The following ULK4 variants were observed in gnomAD, a reference collection of about 807,000 sequenced individuals.
ULK4 encodes unc-51 like kinase 4.
Under a neutral mutation model 160.6 loss-of-function variants are expected in ULK4, and 133 were observed. That is an observed-to-expected ratio of 0.83 (90% CI 0.72 to 0.96). The LOEUF is 0.96. ULK4 is among the 40% of genes least tolerant of loss of function. The pLI is 0.00. For synonymous variants in ULK4, 534 were observed against 539.8 expected, an observed-to-expected ratio of 0.99 and a Z score of 0.15; for missense variants, 1,580 against 1,499.5, an observed-to-expected ratio of 1.05 and a Z score of -0.89.
chr3:41,927,704 A>G (rs867274163), intron 5 of ULK4, among the ~76,000 whole-genome samples: 4 of 151,878 alleles, frequency 2.6e-5, no homozygotes, highest in Admixed American at 2.0e-4. Context: ...AGGGGTTGCA[A>G]TCCTGATCTC....
At chr3:41,665,099 TA>T (rs1394003539) in intron 29 of ULK4, among the ~76,000 whole-genome samples, 4 of 152,340 alleles carry the variant, frequency 2.6e-5, no homozygotes, top group Admixed American at 2.6e-4. Flanking sequence ...AAAATATCTC[TA>T]AAATTCCTAA....
chr3:41,839,622 C>T (rs1203867137), intron 17 of ULK4, among the ~76,000 whole-genome samples: 1 of 151,596 alleles, frequency 6.6e-6, no homozygotes, highest in Non-Finnish European at 1.5e-5. Context: ...AACTAACTAT[C>T]ACAACTCACC....
intron 19 of ULK4, among the ~76,000 whole-genome samples, chr3:41,804,026 G>T (rs1205451561): frequency 1.3e-5 from 2 of 152,082 alleles, no homozygotes; most frequent in Non-Finnish European, 2.9e-5. Context: ...GGGTCAAATG[G>T]TATTTCTAGT....
intron 35 of ULK4, among the ~76,000 whole-genome samples, chr3:41,285,221 A>C (rs1415593323): frequency 1.3e-5 from 2 of 152,252 alleles, no homozygotes; most frequent in African/African-American, 4.8e-5. Context: ...CATTTGATCC[A>C]GCAATCCCAC....
At chr3:41,473,986 G>T (rs1458231026) in intron 32 of ULK4, among the ~76,000 whole-genome samples, 2 of 151,998 alleles carry the variant, frequency 1.3e-5, no homozygotes, top group Non-Finnish European at 2.9e-5. Flanking sequence ...ATAAAAATAG[G>T]CAAAACAATT....
chr3:41,376,734 C>G (rs1215715817), intron 35 of ULK4, among the ~76,000 whole-genome samples: 1 of 150,042 alleles, frequency 6.7e-6, no homozygotes, highest in Non-Finnish European at 1.5e-5. Context: ...AGGATACAAA[C>G]AAATGGAAGA....
intron 35 of ULK4, among the ~76,000 whole-genome samples, chr3:41,314,676 T>G (rs1575424310): frequency 6.6e-6 from 1 of 152,332 alleles, no homozygotes; most frequent in East Asian, 1.9e-4. Flanking sequence ...TATTATCCGT[T>G]TTTAATTTAA....
At chr3:41,871,119 T>C (rs1422774378) in intron 17 of ULK4, among the ~76,000 whole-genome samples, 3 of 152,174 alleles carry the variant, frequency 2.0e-5, no homozygotes, top group African/African-American at 7.2e-5. Context: ...AAATCTCTTT[T>C]CCCTATAAAT....
At chr3:41,797,898 C>T (rs999270064) in intron 20 of ULK4, among the ~76,000 whole-genome samples, 1 of 146,122 alleles carries the variant, frequency 6.8e-6, no homozygotes, top group African/African-American at 2.5e-5. Context: ...GAAAAGAAAA[C>T]AAAAGAAAAC....
chr3:41,670,586 C>T, intron 29 of ULK4, among the ~76,000 whole-genome samples: 1 of 151,776 alleles, frequency 6.6e-6, no homozygotes, highest in East Asian at 1.9e-4. Flanking sequence ...TATGTATATA[C>T]ATACACATAT....
At chr3:41,699,805 A>G (rs1260197380) in intron 27 of ULK4, among the ~76,000 whole-genome samples, 1 of 152,244 alleles carries the variant, frequency 6.6e-6, no homozygotes, top group African/African-American at 2.4e-5. Context: ...AAAATTTCTC[A>G]TGAGTTATAT....
chr3:41,824,854 GAC>G (rs1263266468), intron 18 of ULK4, among the ~76,000 whole-genome samples: 68 of 152,326 alleles, frequency 4.5e-4, no homozygotes, highest in African/African-American at 1.6e-3. Context: ...TCTGAGAACG[GAC>G]AGACTGCCTC....
At position 41,576,900 on chromosome 3, in the gene ULK4, T is replaced by G. The variant is rs2088208380; in HGVS notation, c.3121-10770A>C. 2.0e-5 allele frequency among the ~76,000 whole-genome samples: 3 copies of G among 152,186 alleles called. No homozygotes were observed. In the South Asian group the frequency reaches 6.2e-4, roughly 32 times the overall value. The stretch of plus-strand genomic sequence containing the variant: ...CTTTAATGGGATTTTCTGTAAAAGA[T>G]AACTGCTCACAAACATAAAGTGTCC... On this transcript the variant is annotated intron_variant, in intron 31 of 36. Coordinates refer to ENST00000301831, the MANE Select transcript of ULK4 (RefSeq NM_017886.4).
chr3:41,360,086 AC>A (rs1389276177), intron 35 of ULK4, among the ~76,000 whole-genome samples: 1 of 151,938 alleles, frequency 6.6e-6, no homozygotes, highest in Non-Finnish European at 1.5e-5. Flanking sequence ...AGGAAAAAAA[AC>A]CCATTAAAAA....
intron 31 of ULK4, among the ~76,000 whole-genome samples, chr3:41,597,459 C>T (rs959155295): frequency 6.6e-6 from 1 of 152,208 alleles, no homozygotes; most frequent in African/African-American, 2.4e-5. Context: ...CATAATTCCT[C>T]TCTCTCCACC....
At chr3:41,926,049 GA>G (rs201442715) in intron 5 of ULK4, among the ~76,000 whole-genome samples, 4,964 of 152,242 alleles carry the variant, frequency 0.033, 124 homozygotes, top group Non-Finnish European at 0.053. Flanking sequence ...TGTGTCTCCT[GA>G]TTGGGAGACA....
At chr3:41,522,576 T>C (rs780946314) in intron 32 of ULK4, among the ~76,000 whole-genome samples, 1 of 152,138 alleles carries the variant, frequency 6.6e-6, no homozygotes, top group Non-Finnish European at 1.5e-5. Flanking sequence ...TGAGGAGTAA[T>C]AATACACAGG....
chr3:41,434,551 T>G (rs1423030741), intron 34 of ULK4, among the ~76,000 whole-genome samples: 1 of 152,184 alleles, frequency 6.6e-6, no homozygotes, highest in African/African-American at 2.4e-5. Context: ...TTGAATTATT[T>G]TTACTGGGCA....
At chr3:41,903,912 A>G (rs910490086) in intron 12 of ULK4, among the ~76,000 whole-genome samples, 1 of 151,970 alleles carries the variant, frequency 6.6e-6, no homozygotes, top group Non-Finnish European at 1.5e-5. Context: ...AATCATGCCA[A>G]TATCAAAATG....
Sources: allele counts gnomAD v4.1 joint callset (sites outside exome capture counted in the v4.1 genomes callset), GRCh38; gene constraint gnomAD v4.1.1; transcripts MANE v1.5; gene names NCBI Gene and HGNC (gene_info 2026-07-23, HGNC 2026-07-21).